ISM2: variants seen among roughly 807,000 people sequenced by gnomAD.
The protein encoded by ISM2 is isthmin 2.
A neutral mutation model predicts 58.0 loss-of-function variants in ISM2; 50 were observed. The observed-to-expected ratio is 0.86, with a 90% CI of 0.69 to 1.09. ISM2 has a LOEUF of 1.09. Among genes scored for constraint, ISM2 ranks in the 50% least tolerant of loss-of-function variants. ISM2 has a pLI of 0.00. For missense variants in ISM2, 723 were observed against 745.0 expected (o/e 0.97, Z 0.34); for synonymous variants, 303 against 312.4 (o/e 0.97, Z 0.32).
chr14:77,491,615 C>T (rs1052595981), intron 1 of ISM2, among the ~76,000 whole-genome samples: 1 of 151,854 alleles, frequency 6.6e-6, no homozygotes, highest in Non-Finnish European at 1.5e-5. Context: ...TGGTCTCCAA[C>T]TCCTAACCTC....
intron 3 of ISM2, 21 bp from the exon 4 acceptor site, chr14:77,482,688 C>T (rs374715879): frequency 1.2e-5 from 17 of 1,468,684 alleles, no homozygotes; most frequent in South Asian, 6.7e-5. Context: ...CAGGCCAGGC[C>T]GGCCAGTGAA....
Position 77,497,580 on chromosome 14 carries a change from G to A in ISM2, c.141+1073C>T, listed in dbSNP as rs183763931. On this transcript the variant is annotated intron_variant, in intron 1 of 6. Coordinates refer to ENST00000342219, the MANE Select transcript of ISM2 (RefSeq NM_199296.3). ...GTGGTGGTGCATGCCTGCGCTCCCAGGTACCCAGGAGGCTGAGGCTGGAGG... is the reference window on the plus strand; with the variant it reads ...GTGGTGGTGCATGCCTGCGCTCCCAAGTACCCAGGAGGCTGAGGCTGGAGG... Among the ~76,000 whole-genome samples, 66 of 151,628 alleles carry A rather than the reference G, an allele frequency of 4.4e-4. No individual in the cohort carries two copies. The East Asian group carries it at 0.013, about 29-fold the overall frequency.
At chr14:77,478,489 C>A in intron 5 of ISM2, 86 bp downstream of exon 5, 1 of 1,544,860 alleles carries the variant, frequency 6.5e-7, no homozygotes, top group Non-Finnish European at 8.8e-7. Context: ...ATCCCATCTC[C>A]CAAGCCCACC....
Position 77,484,324 on chromosome 14 carries a change from T to C in ISM2, c.626A>G (p.Gln209Arg). ...TGCTGGCCCTTCTGTAGCTCTCACC[T>C]GGTTATCAGGGTTAGGGGTACTCAA... is the stretch of plus-strand genomic sequence containing the variant. ...ATLSTPNPDN[Q>R]VTIKVVEDPQ... The change falls in exon 3 of 7, where the codon CAG becomes CGG. Residue 209 changes from glutamine to arginine, a missense_variant and splice_region_variant. Coordinates refer to ENST00000342219, the MANE Select transcript of ISM2 (RefSeq NM_199296.3). The C allele has an allele frequency of 6.2e-7, 1 of 1,610,208 alleles. No individual in the cohort carries two copies. Among genetic ancestry groups the C allele is most frequent in the Non-Finnish European group, 8.5e-7 (1 of 1,177,858 alleles).
chr14:77,493,857 G>A (rs189050487), intron 1 of ISM2, among the ~76,000 whole-genome samples: 4 of 151,180 alleles, frequency 2.6e-5, no homozygotes, highest in African/African-American at 9.7e-5. Context: ...CTGCAAGCTC[G>A]GTCTCCCGGG....
intron 6 of ISM2, among the ~76,000 whole-genome samples, chr14:77,476,346 A>G (rs1292722410): frequency 6.6e-6 from 1 of 152,182 alleles, no homozygotes; most frequent in Non-Finnish European, 1.5e-5. Flanking sequence ...TGGAGCAATG[A>G]CCCAGATGTC....
rs376890664 is a variant in ISM2, at chr14:77,475,619, C to A, written c.1692G>T (p.Gln564His). ...DNPLEEEYLA[Q>H]LQEAKEY ...ACTAGTACTCCTTGGCCTCCTGCAA[C>A]TGTGCTAGGTACTCCTCCTCCAGGG... The change falls in exon 7 of 7, where the codon CAG becomes CAT. Residue 564 changes from glutamine to histidine, a missense_variant. Coordinates refer to ENST00000342219, the MANE Select transcript of ISM2 (RefSeq NM_199296.3). This position sits in a 1 kb window ranked among gnomAD's most constrained non-coding sequence, Gnocchi z 4.1. 1 of 1,590,990 alleles carries A rather than the reference C, an allele frequency of 6.3e-7. No individual in the cohort carries two copies. Among genetic ancestry groups the A allele is most frequent in the Non-Finnish European group, 8.6e-7 (1 of 1,166,614 alleles).
At chr14:77,481,604 A>G (rs905597997) in intron 4 of ISM2, among the ~76,000 whole-genome samples, 1 of 152,212 alleles carries the variant, frequency 6.6e-6, no homozygotes, top group Non-Finnish European at 1.5e-5. Context: ...ATCTTGCCCA[A>G]GGTCATTCAG....
chr14:77,488,296 G>A (rs1234927257), intron 1 of ISM2, among the ~76,000 whole-genome samples: 4 of 152,206 alleles, frequency 2.6e-5, no homozygotes, highest in African/African-American at 9.6e-5. Context: ...GGCTATGGAG[G>A]CTCAGGGAGG....
At chr14:77,491,492 G>T (rs1245556341) in intron 1 of ISM2, among the ~76,000 whole-genome samples, 2 of 152,102 alleles carry the variant, frequency 1.3e-5, no homozygotes, top group African/African-American at 4.8e-5. Context: ...GGGCTCAAGT[G>T]ATTCTCCTGC....
At chr14:77,498,515 G>T in intron 1 of ISM2, 138 bp downstream of exon 1, 1 of 1,298,680 alleles carries the variant, frequency 7.7e-7, no homozygotes, top group South Asian at 1.4e-5. Flanking sequence ...GGAGCTTCCG[G>T]CCGGCCCCGG....
Position 77,498,690 on chromosome 14 carries a change from C to G in ISM2, c.104G>C (p.Arg35Pro). The change falls in exon 1 of 7, where the codon CGC becomes CCC. Residue 35 changes from arginine (R) to proline (P), a missense_variant. Transcript: ENST00000342219. ...LGLPVKKPRL[R>P]GPRPGSLTRL... The stretch of plus-strand genomic sequence containing the variant: ...CGTGAGGCTCCCAGGCCGTGGTCCG[C>G]GGAGCCGCGGCTTCTTCACGGGGAG... The G allele has an allele frequency of 6.7e-7, 1 of 1,481,736 alleles. No homozygotes were observed. The highest frequency in any genetic ancestry group is 1.3e-5 in the South Asian group (1 of 78,786). The allele number at this position is 1,481,736 out of a possible 1,614,324, so 91.8% of individuals were successfully genotyped here.
Position 77,476,015 on chromosome 14 carries a change from G to A in ISM2, c.1296C>T (p.Ala432=). 1 of 1,579,976 alleles carries A rather than the reference G, an allele frequency of 6.3e-7. No individual in the cohort carries two copies. Among genetic ancestry groups the A allele is most frequent in the Non-Finnish European group, 8.6e-7 (1 of 1,166,352 alleles). The change falls in exon 7 of 7, where the codon GCC becomes GCT. Residue 432 remains alanine, a synonymous_variant. Transcript: ENST00000342219. ...MLRDLPSCPC[A]YPLEAMDSPV... ...GGCTGTCCATGGCCTCCAGTGGGTA[G>A]GCACACGGGCAGCTGGGCAGGTCCC...
chr14:77,485,012 G>A (rs1469522933), intron 1 of ISM2, 93 bp from the exon 2 acceptor site: 2 of 1,320,790 alleles, frequency 1.5e-6, no homozygotes, highest in South Asian at 1.4e-5. Context: ...GGAGCCCTGG[G>A]GTCTGACCGG....
At chr14:77,491,935 A>T (rs2079207917) in intron 1 of ISM2, among the ~76,000 whole-genome samples, 1 of 151,348 alleles carries the variant, frequency 6.6e-6, no homozygotes, top group African/African-American at 2.4e-5. Context: ...ACCTCAGGGG[A>T]TCCGCCTGCC....
chr14:77,491,106 C>T (rs975258438), intron 1 of ISM2, among the ~76,000 whole-genome samples: 3 of 152,218 alleles, frequency 2.0e-5, no homozygotes, highest in Non-Finnish European at 2.9e-5. Context: ...TGCAAATCTC[C>T]GGCAATCCAG....
At position 77,478,609 on chromosome 14, in the gene ISM2, G is replaced by A. The variant is rs190064854; in HGVS notation, c.1080C>T (p.Thr360=). The change falls in exon 5 of 7, where the codon ACC becomes ACT. Residue 360 remains threonine, a synonymous_variant. Transcript: ENST00000342219. ...TRPCGYGCTA[T]ETRTCDLPSC... Reference sequence around the variant, plus strand: ...AGGGCAGGTCACAGGTACGGGTCTCGGTGGCAGTGCAGCCATAGCCACAGG... The same window carrying A: ...AGGGCAGGTCACAGGTACGGGTCTCAGTGGCAGTGCAGCCATAGCCACAGG... The A allele has an allele frequency of 7.9e-5, 128 of 1,613,754 alleles. No homozygotes were observed. The East Asian group carries it at 2.3e-3, about 29-fold the overall frequency.
intron 1 of ISM2, among the ~76,000 whole-genome samples, chr14:77,488,072 C>T (rs2079179222): frequency 6.6e-6 from 1 of 152,202 alleles, no homozygotes; most frequent in Non-Finnish European, 1.5e-5. Context: ...ACACACCAGG[C>T]CTTCCTAGGC....
intron 6 of ISM2, among the ~76,000 whole-genome samples, chr14:77,477,370 T>C (rs6574374): frequency 0.82 from 124,518 of 152,028 alleles, 51,866 homozygotes; most frequent in East Asian, 0.96. Context: ...AGTTTGAGGC[T>C]CTGCACATCT....
Sources: allele counts gnomAD v4.1 joint callset (sites outside exome capture counted in the v4.1 genomes callset), GRCh38; gene constraint gnomAD v4.1.1; non-coding constraint Gnocchi (gnomAD v3.1); transcripts MANE v1.5; gene names NCBI Gene and HGNC (gene_info 2026-07-23, HGNC 2026-07-21).